HDAC9: variants seen among roughly 807,000 people sequenced by gnomAD.
HDAC9 encodes the protein MEF-2 interacting transcription repressor (MITR) protein.
In HDAC9, 41 loss-of-function variants were observed where a neutral mutation model predicts 139.4. That is an observed-to-expected ratio of 0.29 (90% confidence interval 0.23 to 0.38). HDAC9 has a LOEUF of 0.38. HDAC9 is among the 10% of genes least tolerant of loss of function. HDAC9 has a pLI of 1.00. For synonymous variants in HDAC9, 517 were observed against 476.2 expected, an observed-to-expected ratio of 1.09 and a Z score of -1.12; for missense variants, 1,147 against 1,297.0, an observed-to-expected ratio of 0.88 and a Z score of 1.78.
chr7:18,869,802 T>C (rs1459837196), intron 21 of HDAC9, among the ~76,000 whole-genome samples: 5 of 152,036 alleles, frequency 3.3e-5, no homozygotes, highest in Non-Finnish European at 1.5e-5. Flanking sequence ...TGACACAGGC[T>C]CAATTGGATG....
chr7:18,973,111 A>G (rs1784350216), intron 24 of HDAC9, among the ~76,000 whole-genome samples: 1 of 152,230 alleles, frequency 6.6e-6, no homozygotes, highest in Non-Finnish European at 1.5e-5. Context: ...TGTGATCTTC[A>G]AAAACACTAC....
At chr7:18,542,041 C>A (rs1413601324) in intron 2 of HDAC9, among the ~76,000 whole-genome samples, 1 of 152,126 alleles carries the variant, frequency 6.6e-6, no homozygotes, top group African/African-American at 2.4e-5. Context: ...AGCAGCGTCT[C>A]TGGCCTCTAC....
At chr7:18,292,228 T>A (rs1283435813) in intron 1 of HDAC9, among the ~76,000 whole-genome samples, 1 of 152,160 alleles carries the variant, frequency 6.6e-6, no homozygotes, top group African/African-American at 2.4e-5. Flanking sequence ...AATATTAATA[T>A]CTTCATTTTA....
At chr7:18,195,130 A>C (rs974431949) in intron 2 of HDAC9, among the ~76,000 whole-genome samples, 19 of 152,186 alleles carry the variant, frequency 1.2e-4, no homozygotes, top group African/African-American at 3.9e-4. Flanking sequence ...CTGAAACAAC[A>C]ATTCTAAATG....
In HDAC9 at chr7:18,997,244, C is replaced by CT. The variant is rs1585529089; in HGVS notation, c.*1183dup. The CT allele has an allele frequency of 6.6e-6, 1 of 151,160 alleles. No individual in the cohort carries two copies. Among genetic ancestry groups the CT allele is most frequent in the Non-Finnish European group, 1.5e-5 (1 of 67,922 alleles). The allele number at this position is 151,160 out of a possible 1,614,324, so 9.4% of individuals were successfully genotyped here. On this transcript the variant is annotated 3_prime_UTR_variant, in exon 26 of 26. Transcript: ENST00000686413. Reference sequence around the variant, plus strand: ...TGTTTGAAATGTGTTAATGAAGGCACTGCTTATTTGTAGTCACCTTGAACT... The same window carrying CT: ...TGTTTGAAATGTGTTAATGAAGGCACTTGCTTATTTGTAGTCACCTTGAACT...
Position 18,975,844 on chromosome 7 carries a change from A to G in HDAC9, c.3061A>G (p.Arg1021Gly), listed in dbSNP as rs1484983687. Reference sequence around the variant, plus strand: ...GTCAGTAAGGATGGTGGCTGTGCCAAGGGGCTGTGCTCTGGCTGGTGCTCA... The same window carrying G: ...GTCAGTAAGGATGGTGGCTGTGCCAGGGGGCTGTGCTCTGGCTGGTGCTCA... ...WKSVRMVAVP[R>G]GCALAGAQLQ... The change falls in exon 25 of 26, where the codon AGG (arginine) becomes GGG (glycine). Residue 1021 changes from arginine (R) to glycine (G), a missense_variant. Coordinates refer to ENST00000686413, the MANE Select transcript of HDAC9 (RefSeq NM_178425.4). The G allele has an allele frequency of 5.0e-6, 8 of 1,613,764 alleles. No homozygotes were observed. The highest frequency in any genetic ancestry group is 5.9e-6 in the Non-Finnish European group (7 of 1,179,830).
chr7:18,165,965 A>G (rs1313672634), intron 2 of HDAC9, among the ~76,000 whole-genome samples: 4 of 152,112 alleles, frequency 2.6e-5, no homozygotes, highest in African/African-American at 9.7e-5. Context: ...ATTTTCCTCA[A>G]AAGAAGTTTA....
At chr7:18,882,981 G>T (rs1799842066) in intron 22 of HDAC9, among the ~76,000 whole-genome samples, 1 of 152,062 alleles carries the variant, frequency 6.6e-6, no homozygotes, top group Non-Finnish European at 1.5e-5. Context: ...ATAAGTGCCT[G>T]CATTTCACAT....
chr7:18,360,680 T>C (rs928343523), intron 1 of HDAC9, among the ~76,000 whole-genome samples: 3 of 152,234 alleles, frequency 2.0e-5, no homozygotes, highest in Non-Finnish European at 4.4e-5. Flanking sequence ...ATTTAGTTAC[T>C]ACAGCACTCT....
At chr7:18,222,425 A>G (rs927581661) in intron 2 of HDAC9, among the ~76,000 whole-genome samples, 1 of 152,180 alleles carries the variant, frequency 6.6e-6, no homozygotes, top group Non-Finnish European at 1.5e-5. Context: ...AACTAAAACT[A>G]GGAAAGTAAT....
intron 12 of HDAC9, among the ~76,000 whole-genome samples, chr7:18,700,354 C>T (rs1783376369): frequency 6.6e-6 from 1 of 152,160 alleles, no homozygotes; most frequent in African/African-American, 2.4e-5. Flanking sequence ...CCCTCACTGC[C>T]CCCTGTGGCC....
At chr7:18,903,029 G>A (rs1034082106) in intron 22 of HDAC9, among the ~76,000 whole-genome samples, 1 of 152,144 alleles carries the variant, frequency 6.6e-6, no homozygotes, top group African/African-American at 2.4e-5. Flanking sequence ...GTTATGTAGG[G>A]GAATATGAAC....
At chr7:18,606,525 C>G (rs985183027) in intron 6 of HDAC9, among the ~76,000 whole-genome samples, 2 of 152,100 alleles carry the variant, frequency 1.3e-5, no homozygotes, top group Non-Finnish European at 2.9e-5. Flanking sequence ...TATTTTAAGT[C>G]ACATTTTGTA....
chr7:18,126,084 A>G (rs1430719567), intron 1 of HDAC9, among the ~76,000 whole-genome samples: 2 of 151,716 alleles, frequency 1.3e-5, no homozygotes, highest in African/African-American at 4.8e-5. Context: ...ATAGTCAACT[A>G]CTCTAAACAC....
Position 18,666,241 on chromosome 7 carries a change from A to G in HDAC9, c.1496A>G (p.Lys499Arg), listed in dbSNP as rs773484946. The change falls in exon 12 of 26, where the codon AAG becomes AGG. Residue 499 changes from lysine to arginine, a missense_variant. Transcript: ENST00000686413. The stretch of plus-strand genomic sequence containing the variant: ...CTTTCGAAATCTATTGAACAACTGA[A>G]GCAACCAGGCAGTCACCTTGAGGAA... Reference protein sequence around the residue: ...KLLSKSIEQLKQPGSHLEEAE... With the variant: ...KLLSKSIEQLRQPGSHLEEAE... 9 of 1,612,830 alleles carry G rather than the reference A, an allele frequency of 5.6e-6. No individual in the cohort carries two copies. The highest frequency in any genetic ancestry group is 3.3e-4 in the Middle Eastern group (2 of 6,068).
chr7:18,835,710 C>A, intron 20 of HDAC9, 124 bp downstream of exon 20: 1 of 1,338,082 alleles, frequency 7.5e-7, no homozygotes, highest in South Asian at 1.2e-5. Flanking sequence ...ACTGAATTGT[C>A]CCATGGGACC....
intron 1 of HDAC9, among the ~76,000 whole-genome samples, chr7:18,337,292 T>C (rs1015429859): frequency 6.6e-6 from 1 of 151,648 alleles, no homozygotes; most frequent in Admixed American, 6.6e-5. Flanking sequence ...TCTACTGAAA[T>C]TGGATAAAGA....
chr7:18,773,834 C>T lies in HDAC9; in HGVS notation c.2214+6679C>T, dbSNP rs951598569. On this transcript the variant is annotated intron_variant, in intron 16 of 25. Coordinates refer to ENST00000686413, the MANE Select transcript of HDAC9 (RefSeq NM_178425.4). ...TTTTTCATCTGTCATATTTCCACTC[C>T]GAATAGTTAGTTCCAGATCCAGATA... Among the ~76,000 whole-genome samples the T allele has an allele frequency of 9.2e-5, 14 of 151,992 alleles. No individual in the cohort carries two copies. In the East Asian group the frequency reaches 1.2e-3, roughly 13 times the overall value.
In HDAC9 at chr7:18,591,513, C is replaced by T. The variant is rs776623903; in HGVS notation, c.416-3C>T. The T allele has an allele frequency of 1.3e-5, 20 of 1,553,608 alleles. No homozygotes were observed. Among genetic ancestry groups the T allele is most frequent in the Non-Finnish European group, 1.7e-5 (20 of 1,153,758 alleles). On this transcript the variant is annotated splice_region_variant and splice_polypyrimidine_tract_variant and intron_variant, in intron 4 of 25. Coordinates refer to ENST00000686413, the MANE Select transcript of HDAC9 (RefSeq NM_178425.4). Reference sequence around the variant, plus strand: ...TGTGTGTGTGTGTGTGTGTGTATTTCAGGGGCAGTGGCAAGTACAGAAGTA... The same window carrying T: ...TGTGTGTGTGTGTGTGTGTGTATTTTAGGGGCAGTGGCAAGTACAGAAGTA...
Sources: gnomAD v4.1 joint callset for allele counts (sites outside exome capture counted in the v4.1 genomes callset) on GRCh38, gnomAD v4.1.1 for gene constraint, MANE v1.5 for transcripts, NCBI Gene and HGNC (gene_info 2026-07-23, HGNC 2026-07-21) for gene names.